MS4A4E: variants seen among roughly 807,000 people sequenced by gnomAD.
MS4A4E encodes the protein putative membrane-spanning 4-domains subfamily A member 4E.
In MS4A4E, 23 loss-of-function variants were observed where a neutral mutation model predicts 13.3. That is an observed-to-expected ratio of 1.73 (90% CI 1.25 to 2.45). MS4A4E has a LOEUF of 2.45. MS4A4E is among the 30% of genes most tolerant of loss of function. The probability of loss-of-function intolerance (pLI) is 0.00; values close to 1 mark genes in which losing one functional copy is unlikely to be tolerated. For missense variants in MS4A4E, 144 were observed against 131.2 expected, an observed-to-expected ratio of 1.10 and a Z score of -0.48; for synonymous variants, 36 against 45.6, an observed-to-expected ratio of 0.79 and a Z score of 0.85.
At chr11:60,226,585 A>T (rs2134956890) in intron 3 of MS4A4E, among the ~76,000 whole-genome samples, 1 of 152,298 alleles carries the variant, frequency 6.6e-6, no homozygotes, top group African/African-American at 2.4e-5. Flanking sequence ...GCAAAATCCA[A>T]TGCCTGTTTA....
rs548960196 is a variant in MS4A4E, at chr11:60,200,897, G to C, written c.*646C>G. ...CAGAGGCACCCCTCACCTCCCGGACGGGGCGGCTGGCCGGGCGGGGGGCTG... is the reference window on the plus strand; with the variant it reads ...CAGAGGCACCCCTCACCTCCCGGACCGGGCGGCTGGCCGGGCGGGGGGCTG... On this transcript the variant is annotated 3_prime_UTR_variant, in exon 9 of 9. Coordinates refer to ENST00000651255, the MANE Select transcript of MS4A4E (RefSeq NM_001393391.1). Among the ~76,000 whole-genome samples the C allele has an allele frequency of 8.9e-4, 134 of 149,854 alleles. No individual in the cohort carries two copies. The highest frequency in any genetic ancestry group is 3.2e-3 in the African/African-American group (126 of 39,860).
intron 1 of MS4A4E, among the ~76,000 whole-genome samples, chr11:60,235,170 G>C (rs1362760438): frequency 6.6e-6 from 1 of 152,190 alleles, no homozygotes; most frequent in Non-Finnish European, 1.5e-5. Flanking sequence ...ACAAGCTGGA[G>C]TGCAGTGGCG....
chr11:60,241,029 A>C (rs1359167511), intron 1 of MS4A4E, among the ~76,000 whole-genome samples: 8 of 146,828 alleles, frequency 5.4e-5, no homozygotes, highest in Non-Finnish European at 1.1e-4. Flanking sequence ...TTATTTACTT[A>C]TTTATTTATT....
In MS4A4E at chr11:60,201,604, A is replaced by G; in HGVS notation, c.935T>C (p.Leu312Pro). The part of the protein sequence containing the change: ...AIPSRKWGAP[L>P]PGHHPIWEVR... Reference sequence around the variant, plus strand: ...CTCCCAGATGGGATGGTGGCCGGGAAGAGGCGCTCCCCACTTCCTAGATGG... The same window carrying G: ...CTCCCAGATGGGATGGTGGCCGGGAGGAGGCGCTCCCCACTTCCTAGATGG... The change falls in exon 9 of 9, where the codon CTT (leucine) becomes CCT (proline). Residue 312 changes from leucine to proline, a missense_variant. Leu to Pro is a moderately conservative substitution (Grantham distance 98). Around this residue, in one of 3 missense-constraint regions of MS4A4E, gnomAD observed 21 missense variants for 25.1 expected, o/e 0.84. Transcript: ENST00000651255. The G allele has an allele frequency of 3.2e-6, 1 of 316,392 alleles. No individual in the cohort carries two copies. The highest frequency in any genetic ancestry group is 6.3e-6 in the Non-Finnish European group (1 of 158,510). The allele number at this position is 316,392 out of a possible 1,614,324, so 19.6% of individuals were successfully genotyped here.
At chr11:60,216,364 T>C (rs183591161) in intron 3 of MS4A4E, among the ~76,000 whole-genome samples, 82 of 152,204 alleles carry the variant, frequency 5.4e-4, no homozygotes, top group African/African-American at 1.8e-3. Flanking sequence ...TAGTTACATG[T>C]ATGTGATTCT....
chr11:60,237,152 T>C (rs944338628), intron 1 of MS4A4E, among the ~76,000 whole-genome samples: 3 of 152,222 alleles, frequency 2.0e-5, no homozygotes, highest in South Asian at 2.1e-4. Context: ...TATGTGCCCA[T>C]GTGTTCTCAT....
At chr11:60,211,927 T>G (rs535601861) in intron 5 of MS4A4E, among the ~76,000 whole-genome samples, 1 of 152,142 alleles carries the variant, frequency 6.6e-6, no homozygotes, top group African/African-American at 2.4e-5. Flanking sequence ...AGAGTGAAAC[T>G]CCATCTCTAA....
intron 3 of MS4A4E, among the ~76,000 whole-genome samples, chr11:60,222,642 A>G (rs1370857658): frequency 1.3e-5 from 2 of 152,062 alleles, no homozygotes; most frequent in Admixed American, 6.5e-5. Context: ...CTACCAGCAA[A>G]ATTTTTGCTT....
intron 5 of MS4A4E, among the ~76,000 whole-genome samples, chr11:60,211,803 C>A (rs1208450598): frequency 6.6e-6 from 1 of 152,186 alleles, no homozygotes; most frequent in Non-Finnish European, 1.5e-5. Flanking sequence ...ATTCCAGCTA[C>A]TTGGGATGCT....
chr11:60,210,534 T>C (rs957625634), intron 5 of MS4A4E, among the ~76,000 whole-genome samples: 5 of 152,250 alleles, frequency 3.3e-5, no homozygotes, highest in African/African-American at 1.2e-4. Context: ...TTTCATATGG[T>C]TCTGCCTAAT....
intron 3 of MS4A4E, among the ~76,000 whole-genome samples, chr11:60,218,284 T>C (rs758659336): frequency 2.6e-5 from 4 of 152,140 alleles, no homozygotes; most frequent in Non-Finnish European, 5.9e-5. Flanking sequence ...CAAACTTCAT[T>C]AGCAATTTTA....
intron 1 of MS4A4E, among the ~76,000 whole-genome samples, chr11:60,239,346 G>A (rs1305621827): frequency 1.3e-5 from 2 of 152,098 alleles, no homozygotes; most frequent in Non-Finnish European, 2.9e-5. Flanking sequence ...ATTATTATTG[G>A]TCTTCCTACT....
At chr11:60,228,004 A>T (rs1301692997) in intron 3 of MS4A4E, among the ~76,000 whole-genome samples, 1 of 152,188 alleles carries the variant, frequency 6.6e-6, no homozygotes, top group Non-Finnish European at 1.5e-5. Flanking sequence ...TTAACAGATG[A>T]CATAGGCCAA....
intron 2 of MS4A4E, 49 bp downstream of exon 2, chr11:60,229,863 G>A (rs771974616): frequency 4.6e-5 from 71 of 1,545,474 alleles, no homozygotes; most frequent in South Asian, 1.2e-4. Flanking sequence ...CTGATCAAAT[G>A]TGAGTTTACA....
intron 3 of MS4A4E, among the ~76,000 whole-genome samples, chr11:60,225,512 G>A (rs643994): frequency 0.99 from 151,049 of 152,304 alleles, 74,908 homozygotes; most frequent in Middle Eastern, 1. Context: ...CAAATCTGAT[G>A]TTTTCTTGAC....
chr11:60,230,586 C>A (rs1460661631), intron 1 of MS4A4E, among the ~76,000 whole-genome samples: 3 of 152,182 alleles, frequency 2.0e-5, no homozygotes, highest in Non-Finnish European at 4.4e-5. Flanking sequence ...AAGCTCTGAA[C>A]TCTGGGAATG....
At chr11:60,211,725 C>A (rs1231864588) in intron 5 of MS4A4E, among the ~76,000 whole-genome samples, 2 of 152,112 alleles carry the variant, frequency 1.3e-5, no homozygotes, top group Non-Finnish European at 2.9e-5. Flanking sequence ...CCAGGCTGGC[C>A]AACATGGAGA....
intron 8 of MS4A4E, among the ~76,000 whole-genome samples, chr11:60,204,092 C>G (rs1033408324): frequency 6.6e-6 from 1 of 152,104 alleles, no homozygotes; most frequent in Non-Finnish European, 1.5e-5. Flanking sequence ...ATTCTCAGGC[C>G]ACTTAAAATA....
At chr11:60,235,557 C>T (rs933272513) in intron 1 of MS4A4E, among the ~76,000 whole-genome samples, 2 of 152,220 alleles carry the variant, frequency 1.3e-5, no homozygotes, top group African/African-American at 4.8e-5. Context: ...TCTCCACATA[C>T]TGTCCCTTGC....
Sources: allele counts gnomAD v4.1 joint callset (sites outside exome capture counted in the v4.1 genomes callset), GRCh38; gene constraint gnomAD v4.1.1; regional missense constraint gnomAD v4.1.1; transcripts MANE v1.5; gene names NCBI Gene and HGNC (gene_info 2026-07-23, HGNC 2026-07-21).